The following DRC10 variants were observed in gnomAD, a reference collection of about 807,000 sequenced individuals.
The protein encoded by DRC10 is dynein regulatory complex subunit 10, also known as IQ domain-containing protein D.
the DRC10 span, chr12:113,207,271 C>A: frequency 1.4e-6 from 1 of 708,356 alleles, no homozygotes; most frequent in African/African-American, 1.7e-5. Flanking sequence ...TCGCTTGAAC[C>A]TGGGAGGCAG....
chr12:113,195,922 CAT>C, the DRC10 span: 12 of 1,561,104 alleles, frequency 7.7e-6, no homozygotes, highest in South Asian at 6.0e-5. Flanking sequence ...GGTCACCACA[CAT>C]AGAGTGCCTC....
the DRC10 span, among the ~76,000 whole-genome samples, chr12:113,211,148 C>T: frequency 3.3e-5 from 5 of 152,196 alleles, no homozygotes; most frequent in Non-Finnish European, 7.3e-5. Context: ...GTGGCACGAT[C>T]ATGGCTCACT....
chr12:113,208,132 T>C, the DRC10 span: 753 of 1,614,012 alleles, frequency 4.7e-4, 1 homozygote, highest in Non-Finnish European at 6.0e-4. Flanking sequence ...AGGGGCCTGA[T>C]ACAAAGGGGC....
the DRC10 span, among the ~76,000 whole-genome samples, chr12:113,216,608 C>T: frequency 5.9e-5 from 9 of 152,184 alleles, no homozygotes; most frequent in South Asian, 6.2e-4. Context: ...GGGAGGTTGA[C>T]GGTGGGGCAG....
the DRC10 span, chr12:113,207,899 C>T: frequency 6.2e-7 from 1 of 1,614,046 alleles, no homozygotes; most frequent in Admixed American, 1.7e-5. Context: ...TCTCTCACTG[C>T]CCTCATGACG....
chr12:113,210,286 G>C, the DRC10 span, among the ~76,000 whole-genome samples: 1 of 152,116 alleles, frequency 6.6e-6, no homozygotes, highest in African/African-American at 2.4e-5. Context: ...GGGGTCTCTG[G>C]GCTGGTCATT....
chr12:113,209,470 C>A, the DRC10 span, among the ~76,000 whole-genome samples: 2,560 of 152,246 alleles, frequency 0.017, 56 homozygotes, highest in African/African-American at 0.058. Flanking sequence ...TGGCTCACTC[C>A]AGCCTCGACC....
chr12:113,208,612 C>T, the DRC10 span: 1 of 166,410 alleles, frequency 6.0e-6, no homozygotes, highest in Non-Finnish European at 1.3e-5. Context: ...GGCAGGAAGC[C>T]ACCACATGAA....
At chr12:113,197,029 T>G in the DRC10 span, among the ~76,000 whole-genome samples, 1 of 152,038 alleles carries the variant, frequency 6.6e-6, no homozygotes, top group African/African-American at 2.4e-5. Flanking sequence ...AGTGACTGAG[T>G]GATGCAGTGG....
the DRC10 span, among the ~76,000 whole-genome samples, chr12:113,217,830 C>T: frequency 3.3e-5 from 5 of 152,162 alleles, no homozygotes; most frequent in Non-Finnish European, 5.9e-5. Flanking sequence ...CTGCCCCTGG[C>T]CTCCACTCAT....
chr12:113,202,062 C>T, the DRC10 span, among the ~76,000 whole-genome samples: 3 of 152,190 alleles, frequency 2.0e-5, no homozygotes, highest in African/African-American at 7.2e-5. Context: ...ACCAGCAGGG[C>T]CACCTGTGTC....
the DRC10 span, among the ~76,000 whole-genome samples, chr12:113,209,495 G>A: frequency 6.6e-6 from 1 of 152,174 alleles, no homozygotes; most frequent in Middle Eastern, 3.2e-3. Context: ...GGGCTCAAGT[G>A]ATCCTCCTGT....
At chr12:113,207,474 C>T in the DRC10 span, 6 of 1,613,918 alleles carry the variant, frequency 3.7e-6, no homozygotes, top group Non-Finnish European at 5.1e-6. Flanking sequence ...CCGCCAATTC[C>T]TTTTCAAGAG....
chr12:113,208,732 C>T, the DRC10 span, among the ~76,000 whole-genome samples: 12 of 152,022 alleles, frequency 7.9e-5, no homozygotes, highest in Non-Finnish European at 7.4e-5. Flanking sequence ...AGAAGGGTGG[C>T]GGTGGGGGAG....
At chr12:113,196,994 T>G in the DRC10 span, among the ~76,000 whole-genome samples, 1 of 152,120 alleles carries the variant, frequency 6.6e-6, no homozygotes, top group Non-Finnish European at 1.5e-5. Flanking sequence ...CTGGCACATC[T>G]CAGGTGCTCA....
the DRC10 span, chr12:113,207,251 G>C: frequency 3.0e-6 from 2 of 668,420 alleles, no homozygotes; most frequent in African/African-American, 3.6e-5. Context: ...GGGAGGCTGT[G>C]GTGGGAGAAT....
the DRC10 span, among the ~76,000 whole-genome samples, chr12:113,215,951 T>C: frequency 6.6e-6 from 1 of 152,228 alleles, no homozygotes; most frequent in Non-Finnish European, 1.5e-5. Context: ...GGGAAGACAG[T>C]TGTTTTCTTA....
chr12:113,214,879 T>C, the DRC10 span, among the ~76,000 whole-genome samples: 1 of 152,250 alleles, frequency 6.6e-6, no homozygotes, highest in African/African-American at 2.4e-5. Flanking sequence ...CCTCTCTTGT[T>C]CTTTTTGAGA....
chr12:113,198,718 G>T, the DRC10 span, among the ~76,000 whole-genome samples: 1 of 152,174 alleles, frequency 6.6e-6, no homozygotes, highest in Non-Finnish European at 1.5e-5. Flanking sequence ...GGAAGTGGGG[G>T]TGGCACAACA....
Sources: gnomAD v4.1 joint callset for allele counts (sites outside exome capture counted in the v4.1 genomes callset) on GRCh38, gnomAD v4.1.1 for gene constraint, MANE v1.5 for transcripts, NCBI Gene and HGNC (gene_info 2026-07-23, HGNC 2026-07-21) for gene names.